The following RAP1GAP2 variants were observed in gnomAD, a reference collection of about 807,000 sequenced individuals.
The protein encoded by RAP1GAP2 is RAP1 GTPase activating protein 2, also known as rap1 GTPase-activating protein 2.
RAP1GAP2 carries 27 observed loss-of-function variants against 95.0 expected under a neutral mutation model. The observed-to-expected ratio is 0.28, with a 90% CI of 0.21 to 0.39. The LOEUF (loss-of-function observed/expected upper bound fraction) is 0.39, where lower values mean the gene tolerates loss of function less well. Among genes scored for constraint, RAP1GAP2 ranks in the 10% least tolerant of loss-of-function variants. RAP1GAP2 has a pLI of 1.00. For missense variants in RAP1GAP2, 771 were observed against 970.0 expected (o/e 0.79, Z 2.72); for synonymous variants, 373 against 380.9 (o/e 0.98, Z 0.24).
Position 2,866,333 on chromosome 17 carries a change from G to C in RAP1GAP2, c.81-38951G>C, listed in dbSNP as rs191634091. On this transcript the variant is annotated intron_variant, in intron 2 of 24. Coordinates refer to ENST00000254695, the MANE Select transcript of RAP1GAP2 (RefSeq NM_015085.5). The surrounding 1 kb of genome is among the most constrained non-coding windows in gnomAD (Gnocchi z 4.0). ...GGCGGCCTGGGGCCATTTCGTGTTA[G>C]GTGTTGAATGCTGGGGAAAGAAGGG... 1.1e-4 allele frequency among the ~76,000 whole-genome samples: 17 copies of C among 152,344 alleles called. No homozygotes were observed. Among genetic ancestry groups the C allele is most frequent in the African/African-American group, 3.8e-4 (16 of 41,590 alleles).
rs146056037 is a variant in RAP1GAP2 at position 2,818,623 on chromosome 17, C to T, written c.80+18073C>T. Among the ~76,000 whole-genome samples, 610 of 152,164 alleles carry T rather than the reference C, an allele frequency of 4.0e-3. 8 individuals are homozygous for T. The highest frequency in any genetic ancestry group is 0.02 in the South Asian group (97 of 4,828). On this transcript the variant is annotated intron_variant, in intron 2 of 24. Coordinates refer to ENST00000254695, the MANE Select transcript of RAP1GAP2 (RefSeq NM_015085.5). ...GATTGCAGGTGTGAGCCACCGTGCC[C>T]GGCCTCAGCCCACATTTTTAATGCT... is the stretch of plus-strand genomic sequence containing the variant.
At chr17:3,009,020 G>A (rs1014119461) in intron 17 of RAP1GAP2, among the ~76,000 whole-genome samples, 1 of 152,180 alleles carries the variant, frequency 6.6e-6, no homozygotes, top group Non-Finnish European at 1.5e-5. Flanking sequence ...GTTAGAAGGT[G>A]ATTTGGAAAC....
At chr17:2,824,950 C>T (rs1364743571) in intron 2 of RAP1GAP2, among the ~76,000 whole-genome samples, 1 of 152,020 alleles carries the variant, frequency 6.6e-6, no homozygotes, top group Non-Finnish European at 1.5e-5. Context: ...CCCTGCACCA[C>T]TTCCTCTTTT....
At chr17:2,927,480 C>G (rs984055650) in intron 3 of RAP1GAP2, among the ~76,000 whole-genome samples, 1 of 152,194 alleles carries the variant, frequency 6.6e-6, no homozygotes, top group Non-Finnish European at 1.5e-5. Context: ...ACCGCCGTCT[C>G]TCGGATTCCC....
At chr17:2,997,943 A>G (rs1437848652) in intron 13 of RAP1GAP2, among the ~76,000 whole-genome samples, 3 of 151,888 alleles carry the variant, frequency 2.0e-5, no homozygotes, top group Admixed American at 2.0e-4. Context: ...AAAAAAGAAA[A>G]AAAAAAGATT....
intron 19 of RAP1GAP2, among the ~76,000 whole-genome samples, chr17:3,022,220 G>A (rs1004611702): frequency 1.3e-5 from 2 of 152,216 alleles, no homozygotes; most frequent in Non-Finnish European, 2.9e-5. Flanking sequence ...GGTTCCCGTG[G>A]TGGGGGCAGA....
At chr17:2,922,992 C>T (rs1312959680) in intron 3 of RAP1GAP2, among the ~76,000 whole-genome samples, 4 of 151,536 alleles carry the variant, frequency 2.6e-5, no homozygotes, top group South Asian at 2.1e-4. Flanking sequence ...GATTCTCCTG[C>T]CTCAGCTGGA....
Position 2,866,788 on chromosome 17 carries a change from TG to T in RAP1GAP2, c.81-38492del, listed in dbSNP as rs1451461779. ...CTAATTTTTATGTTTTTAGTAGAGA[TG>T]GGGTTTCACCACGTTGGCCGGGCTG... is the stretch of plus-strand genomic sequence containing the variant. On this transcript the variant is annotated intron_variant, in intron 2 of 24. Transcript: ENST00000254695. This position sits in a 1 kb window ranked among gnomAD's most constrained non-coding sequence, Gnocchi z 4.0. 6.6e-6 allele frequency among the ~76,000 whole-genome samples: 1 copy of T among 151,870 alleles called. No individual in the cohort carries two copies. Among genetic ancestry groups the T allele is most frequent in the Non-Finnish European group, 1.5e-5 (1 of 67,986 alleles).
chr17:2,803,253 G>T (rs12936795), intron 2 of RAP1GAP2, among the ~76,000 whole-genome samples: 35,434 of 152,198 alleles, frequency 0.23, 4,956 homozygotes, highest in South Asian at 0.3. Context: ...AGGCGATATT[G>T]GGATGATAGC....
At chr17:2,889,853 T>TTA (rs1181019318) in intron 2 of RAP1GAP2, among the ~76,000 whole-genome samples, 8 of 119,724 alleles carry the variant, frequency 6.7e-5, no homozygotes, top group East Asian at 2.3e-4. Context: ...TGGCTAATTT[T>TTA]TATGTGTGTG....
At chr17:2,792,911 G>A (rs2068963856), upstream of RAP1GAP2, among the ~76,000 whole-genome samples, 1 of 152,184 alleles carries the variant, frequency 6.6e-6, no homozygotes, top group Admixed American at 6.5e-5. Context: ...GCATTTACCT[G>A]GCTGTCTCCA....
chr17:2,859,752 T>A (rs2072296458), intron 2 of RAP1GAP2, among the ~76,000 whole-genome samples: 1 of 152,226 alleles, frequency 6.6e-6, no homozygotes, highest in Non-Finnish European at 1.5e-5. Flanking sequence ...ACTCTTTTTT[T>A]CTTACAATTT....
chr17:2,888,817 ATTTT>A (rs58533003), intron 2 of RAP1GAP2, among the ~76,000 whole-genome samples: 2 of 130,492 alleles, frequency 1.5e-5, no homozygotes. Context: ...CGCCCAGCTA[ATTTT>A]TTTTTTTTTT....
At chr17:2,945,124 C>T (rs1309857410) in intron 3 of RAP1GAP2, among the ~76,000 whole-genome samples, 2 of 152,206 alleles carry the variant, frequency 1.3e-5, no homozygotes, top group African/African-American at 2.4e-5. Context: ...ATCCACCCGC[C>T]TCGGCCTCCC....
chr17:2,929,767 CAGAGGCAG>C (rs946289769), intron 3 of RAP1GAP2, among the ~76,000 whole-genome samples: 5 of 152,196 alleles, frequency 3.3e-5, no homozygotes, highest in Non-Finnish European at 7.3e-5. Context: ...CACTGTTTTC[CAGAGGCAG>C]CCCTGATCCA....
intron 2 of RAP1GAP2, among the ~76,000 whole-genome samples, chr17:2,882,781 C>T (rs2073356531): frequency 6.6e-6 from 1 of 152,034 alleles, no homozygotes; most frequent in African/African-American, 2.4e-5. Context: ...AGTGATGGAA[C>T]AGTTAGGGAG....
intron 13 of RAP1GAP2, among the ~76,000 whole-genome samples, chr17:2,997,678 A>G (rs1408689290): frequency 6.6e-6 from 1 of 151,994 alleles, no homozygotes; most frequent in Non-Finnish European, 1.5e-5. Context: ...TATGCCTATC[A>G]TCCCAGCACT....
chr17:2,981,961 A>G (rs758021190), intron 10 of RAP1GAP2, among the ~76,000 whole-genome samples: 46 of 152,226 alleles, frequency 3.0e-4, no homozygotes, highest in Admixed American at 7.8e-4. Context: ...GAGAGGGACA[A>G]CGGAAGCAGA....
chr17:2,820,418 C>T (rs538912285), intron 2 of RAP1GAP2, among the ~76,000 whole-genome samples: 15 of 151,950 alleles, frequency 9.9e-5, no homozygotes, highest in Admixed American at 2.6e-4. Context: ...GTCAGGAGCT[C>T]GAGACCAGCC....
Sources: gnomAD v4.1 joint callset for allele counts (sites outside exome capture counted in the v4.1 genomes callset) on GRCh38, gnomAD v4.1.1 for gene constraint, Gnocchi (gnomAD v3.1) non-coding constraint, MANE v1.5 for transcripts, NCBI Gene and HGNC (gene_info 2026-07-23, HGNC 2026-07-21) for gene names.